The following ATF6 variants were observed in gnomAD, a reference collection of about 807,000 sequenced individuals.
ATF6 encodes cyclic AMP-dependent transcription factor ATF-6 alpha.
A neutral mutation model predicts 83.6 loss-of-function variants in ATF6; 53 were observed. The observed-to-expected ratio is 0.63, with a 90% CI of 0.51 to 0.80. ATF6 has a LOEUF of 0.80. Ranked by LOEUF, ATF6 falls within the 30% of genes least tolerant of loss-of-function variation. ATF6 has a pLI of 0.00. For missense variants in ATF6, 744 were observed against 797.9 expected (o/e 0.93, Z 0.81); for synonymous variants, 288 against 285.8 (o/e 1.01, Z -0.08).
chr1:161,860,025 C>T (rs1387692711), intron 12 of ATF6, among the ~76,000 whole-genome samples, 182 bp from the exon 13 acceptor site: 1 of 152,042 alleles, frequency 6.6e-6, no homozygotes, highest in Non-Finnish European at 1.5e-5. Flanking sequence ...AGACACTTCT[C>T]CCAGACTAGA....
In ATF6 at chr1:161,821,165, A is replaced by C; in HGVS notation, c.1187+4A>C. ...TACTGAACTATGGACCTATGAGGTA[A>C]GTGAATAGATATTTATTTTGGACAC... On this transcript the variant is annotated splice_donor_region_variant and intron_variant, in intron 9 of 15. Coordinates refer to ENST00000367942, the MANE Select transcript of ATF6 (RefSeq NM_007348.4). The C allele has an allele frequency of 6.4e-7, 1 of 1,573,248 alleles. No individual in the cohort carries two copies. Among genetic ancestry groups the C allele is most frequent in the Non-Finnish European group, 8.7e-7 (1 of 1,152,798 alleles).
intron 14 of ATF6, among the ~76,000 whole-genome samples, chr1:161,907,402 A>T (rs1268467831): frequency 3.3e-5 from 5 of 152,180 alleles, no homozygotes; most frequent in Non-Finnish European, 4.4e-5. Context: ...AACCAAACCC[A>T]TCTCTGGAAT....
At chr1:161,924,715 G>C (rs956075388) in intron 15 of ATF6, among the ~76,000 whole-genome samples, 1 of 152,148 alleles carries the variant, frequency 6.6e-6, no homozygotes, top group East Asian at 1.9e-4. Flanking sequence ...AAGATACCTA[G>C]GACCTATCTC....
At chr1:161,769,606 A>C (rs1684338962) in intron 1 of ATF6, among the ~76,000 whole-genome samples, 1 of 152,142 alleles carries the variant, frequency 6.6e-6, no homozygotes. Flanking sequence ...TTGTTATTAC[A>C]CTGTAATATA....
At chr1:161,793,032 G>A (rs569655047) in intron 6 of ATF6, among the ~76,000 whole-genome samples, 1 of 152,242 alleles carries the variant, frequency 6.6e-6, no homozygotes, top group African/African-American at 2.4e-5. Flanking sequence ...AACTTTTGCA[G>A]CATTCTTATC....
At chr1:161,881,881 T>G (rs984305317) in intron 14 of ATF6, among the ~76,000 whole-genome samples, 1 of 152,156 alleles carries the variant, frequency 6.6e-6, no homozygotes, top group African/African-American at 2.4e-5. Flanking sequence ...TCTCATATTT[T>G]TTTTCTTAAA....
At chr1:161,824,230 A>G (rs1018586333) in intron 9 of ATF6, among the ~76,000 whole-genome samples, 41 of 151,950 alleles carry the variant, frequency 2.7e-4, no homozygotes, top group African/African-American at 9.9e-4. Context: ...GCCTGCTAGC[A>G]CTTCATGGTC....
chr1:161,920,022 GAAA>G (rs899934962), intron 15 of ATF6, among the ~76,000 whole-genome samples: 3 of 152,060 alleles, frequency 2.0e-5, no homozygotes, highest in Non-Finnish European at 4.4e-5. Flanking sequence ...AATATATTTG[GAAA>G]CCGTCCTATT....
At chr1:161,956,146 C>T (rs1179258504) in intron 15 of ATF6, among the ~76,000 whole-genome samples, 2 of 152,136 alleles carry the variant, frequency 1.3e-5, no homozygotes, top group Non-Finnish European at 2.9e-5. Flanking sequence ...GTGGTTTGGG[C>T]TGTATTAGAG....
intron 7 of ATF6, among the ~76,000 whole-genome samples, chr1:161,802,646 C>T (rs558989960): frequency 6.6e-6 from 1 of 152,238 alleles, no homozygotes; most frequent in African/African-American, 2.4e-5. Flanking sequence ...TTTTAGCGAT[C>T]TTCAGATAAG....
intron 15 of ATF6, among the ~76,000 whole-genome samples, chr1:161,930,546 G>A (rs1189079079): frequency 6.6e-6 from 1 of 152,132 alleles, no homozygotes; most frequent in Non-Finnish European, 1.5e-5. Context: ...ATTATAAAGA[G>A]GAGAATTTTT....
intron 1 of ATF6, among the ~76,000 whole-genome samples, chr1:161,774,221 A>G (rs554789198): frequency 4.6e-5 from 7 of 152,248 alleles, no homozygotes; most frequent in South Asian, 2.1e-4. Flanking sequence ...TTCTGCCGCT[A>G]TGAGAATCCT....
At chr1:161,767,690 A>G (rs2101708250) in intron 1 of ATF6, among the ~76,000 whole-genome samples, 1 of 152,330 alleles carries the variant, frequency 6.6e-6, no homozygotes, top group South Asian at 2.1e-4. Flanking sequence ...TTCTACCTCC[A>G]AAGTCTGTAC....
rs1689096815 is a variant in ATF6, at chr1:161,961,441, T to A, written c.*2787T>A. The A allele has an allele frequency of 6.6e-6, 1 of 152,234 alleles. No homozygotes were observed. The highest frequency in any genetic ancestry group is 1.5e-5 in the Non-Finnish European group (1 of 68,038). 9.4% of individuals were successfully genotyped at this position (152,234 alleles called of 1,614,324 possible). On this transcript the variant is annotated 3_prime_UTR_variant, in exon 16 of 16. Coordinates refer to ENST00000367942, the MANE Select transcript of ATF6 (RefSeq NM_007348.4). ...AAATGAGTGAAAGGCAATTGACAAA[T>A]GCAAAGAAGTAGTCACTTTTTAAAT...
intron 7 of ATF6, among the ~76,000 whole-genome samples, chr1:161,808,765 CTTG>C (rs1685368455): frequency 6.6e-6 from 1 of 150,912 alleles, no homozygotes; most frequent in Non-Finnish European, 1.5e-5. Context: ...AGATGGGGGT[CTTG>C]TTGTATTGCA....
chr1:161,821,578 A>G (rs972100509), intron 9 of ATF6, among the ~76,000 whole-genome samples: 1 of 152,230 alleles, frequency 6.6e-6, no homozygotes, highest in African/African-American at 2.4e-5. Context: ...GGCAAAGGGA[A>G]CAGCATGTTT....
At chr1:161,911,901 A>G (rs1417932256) in intron 14 of ATF6, among the ~76,000 whole-genome samples, 2 of 152,198 alleles carry the variant, frequency 1.3e-5, no homozygotes, top group Non-Finnish European at 2.9e-5. Context: ...AGCCCCCATC[A>G]TTTTACAGGA....
intron 5 of ATF6, 128 bp downstream of exon 5, chr1:161,791,665 C>T (rs1684884456): frequency 6.8e-6 from 7 of 1,027,476 alleles, no homozygotes; most frequent in Non-Finnish European, 9.6e-6. Context: ...ATTGGTGGAC[C>T]TATATTGTTT....
chr1:161,837,392 G>T (rs920916122), intron 9 of ATF6, among the ~76,000 whole-genome samples: 1 of 152,194 alleles, frequency 6.6e-6, no homozygotes, highest in Non-Finnish European at 1.5e-5. Context: ...TGAACTGCAG[G>T]TGTGTGCCGT....
Sources: allele counts gnomAD v4.1 joint callset (sites outside exome capture counted in the v4.1 genomes callset), GRCh38; gene constraint gnomAD v4.1.1; transcripts MANE v1.5; gene names NCBI Gene and HGNC (gene_info 2026-07-23, HGNC 2026-07-21).